Variants in SLC35D4 observed in about 807,000 individuals in gnomAD.
The protein encoded by SLC35D4 is UDP-N-acetylglucosamine transporter SLC35D4.
At chr18:23,408,206 C>A in the SLC35D4 span, among the ~76,000 whole-genome samples, 1 of 152,028 alleles carries the variant, frequency 6.6e-6, no homozygotes, top group African/African-American at 2.4e-5. Flanking sequence ...TGGCTATATT[C>A]TCCACATGTA....
At chr18:23,307,948 G>A in the SLC35D4 span, among the ~76,000 whole-genome samples, 5 of 151,920 alleles carry the variant, frequency 3.3e-5, no homozygotes, top group Non-Finnish European at 5.9e-5. Flanking sequence ...GTCCCGGTCT[G>A]CCCTGCTGAA....
the SLC35D4 span, among the ~76,000 whole-genome samples, chr18:23,419,672 C>T: frequency 1.3e-5 from 2 of 151,984 alleles, no homozygotes; most frequent in Non-Finnish European, 2.9e-5. Context: ...GATTGGACCT[C>T]GTACTAGAAT....
the SLC35D4 span, among the ~76,000 whole-genome samples, chr18:23,398,598 T>A: frequency 6.6e-6 from 1 of 152,152 alleles, no homozygotes; most frequent in Non-Finnish European, 1.5e-5. Flanking sequence ...TATCACCCCA[T>A]CTACTCAAGC....
At chr18:23,297,519 A>G in the SLC35D4 span, 1 of 151,982 alleles carries the variant, frequency 6.6e-6, no homozygotes, top group Non-Finnish European at 1.5e-5. Context: ...CCTTGTCTCT[A>G]AAAAATAATA....
chr18:23,301,063 T>C, the SLC35D4 span, among the ~76,000 whole-genome samples: 1 of 152,274 alleles, frequency 6.6e-6, no homozygotes, highest in Non-Finnish European at 1.5e-5. Flanking sequence ...GTTAATATTT[T>C]ATCCCCTTTC....
At chr18:23,238,828 C>T in the SLC35D4 span, among the ~76,000 whole-genome samples, 8 of 152,364 alleles carry the variant, frequency 5.3e-5, no homozygotes, top group African/African-American at 1.4e-4. Flanking sequence ...GCTGTTTTCA[C>T]GTTGCCCAGC....
chr18:23,361,110 AAAAAAAAAAAAAAAAG>A, the SLC35D4 span, among the ~76,000 whole-genome samples: 1 of 122,088 alleles, frequency 8.2e-6, no homozygotes, highest in Non-Finnish European at 1.7e-5. Context: ...TCTCAAAAAA[AAAAAAAAAAAAAAAAG>A]AAAAAGAAAA....
At chr18:23,244,643 T>A in the SLC35D4 span, among the ~76,000 whole-genome samples, 1 of 152,240 alleles carries the variant, frequency 6.6e-6, no homozygotes, top group Non-Finnish European at 1.5e-5. Flanking sequence ...AATGCCGGTA[T>A]ACAAGTATGG....
chr18:23,276,380 G>C, the SLC35D4 span, among the ~76,000 whole-genome samples: 1 of 151,368 alleles, frequency 6.6e-6, no homozygotes, highest in East Asian at 1.9e-4. Flanking sequence ...GAGCCACCGC[G>C]CCCAGCCAGA....
chr18:23,366,920 T>A, the SLC35D4 span, among the ~76,000 whole-genome samples: 1 of 152,232 alleles, frequency 6.6e-6, no homozygotes, highest in African/African-American at 2.4e-5. Context: ...TAAACAAGAC[T>A]GAAGACTTCA....
At chr18:23,278,222 T>G in the SLC35D4 span, among the ~76,000 whole-genome samples, 1 of 152,188 alleles carries the variant, frequency 6.6e-6, no homozygotes, top group Non-Finnish European at 1.5e-5. Context: ...CTGACTTATC[T>G]GGTGCCCTGG....
chr18:23,239,273 A>G, the SLC35D4 span, among the ~76,000 whole-genome samples: 2 of 152,128 alleles, frequency 1.3e-5, no homozygotes, highest in African/African-American at 4.8e-5. Context: ...ATTTCACTGC[A>G]TTGGCTCTGC....
the SLC35D4 span, among the ~76,000 whole-genome samples, chr18:23,332,049 C>T: frequency 8.2e-6 from 1 of 122,582 alleles, no homozygotes; most frequent in African/African-American, 3.2e-5. Context: ...TTACACCTGG[C>T]TAATTTAAAA....
chr18:23,404,712 C>T, the SLC35D4 span, among the ~76,000 whole-genome samples: 1 of 148,238 alleles, frequency 6.7e-6, no homozygotes, highest in African/African-American at 2.5e-5. Context: ...GGCACGGTGG[C>T]TCACACTGGT....
chr18:23,433,389 G>C, the SLC35D4 span, among the ~76,000 whole-genome samples: 4 of 152,096 alleles, frequency 2.6e-5, no homozygotes, highest in Admixed American at 6.6e-5. Flanking sequence ...TGAGGTTTTA[G>C]TATTTATTAA....
At chr18:23,278,812 C>A in the SLC35D4 span, among the ~76,000 whole-genome samples, 1 of 151,838 alleles carries the variant, frequency 6.6e-6, no homozygotes, top group Non-Finnish European at 1.5e-5. Context: ...TCGAGGCCAG[C>A]CTGGGCAACA....
At chr18:23,324,581 G>C in the SLC35D4 span, among the ~76,000 whole-genome samples, 1 of 152,146 alleles carries the variant, frequency 6.6e-6, no homozygotes, top group Admixed American at 6.5e-5. Context: ...ATCTGCCCTC[G>C]CAACACCCCA....
chr18:23,430,979 C>G, the SLC35D4 span, among the ~76,000 whole-genome samples: 2 of 151,742 alleles, frequency 1.3e-5, no homozygotes, highest in East Asian at 3.9e-4. Flanking sequence ...TATGGTGAAA[C>G]CCCGTCTCTA....
At chr18:23,429,223 C>T in the SLC35D4 span, among the ~76,000 whole-genome samples, 15 of 152,170 alleles carry the variant, frequency 9.9e-5, no homozygotes, top group African/African-American at 3.4e-4. Flanking sequence ...AATGGGATTG[C>T]TGGGTCAAAT....
Sources: allele counts gnomAD v4.1 joint callset (sites outside exome capture counted in the v4.1 genomes callset), GRCh38; gene constraint gnomAD v4.1.1; transcripts MANE v1.5; gene names NCBI Gene and HGNC (gene_info 2026-07-23, HGNC 2026-07-21).